HK2: variants seen among roughly 807,000 people sequenced by gnomAD.
The protein encoded by HK2 is hexokinase 2, also known as hexokinase-2.
A neutral mutation model predicts 92.9 loss-of-function variants in HK2; 42 were observed. The observed-to-expected ratio is 0.45, with a 90% CI of 0.35 to 0.58. HK2 has a LOEUF of 0.58. HK2 is among the 20% of genes least tolerant of loss of function. The probability of loss-of-function intolerance (pLI) is 0.00; values close to 1 mark genes in which losing one functional copy is unlikely to be tolerated. For synonymous variants in HK2, 422 were observed against 468.0 expected (o/e 0.90, Z 1.27); for missense variants, 978 against 1,245.1 (o/e 0.79, Z 3.23).
Position 74,892,686 on chromosome 2 carries a change from C to A in HK2, c.*1745C>A, listed in dbSNP as rs535303794. On this transcript the variant is annotated 3_prime_UTR_variant, in exon 18 of 18. Coordinates refer to ENST00000290573, the MANE Select transcript of HK2 (RefSeq NM_000189.5). ...GAAAGAAACTCACGATGAAATTGAA[C>A]CTGGTTTTTGTATATTTATCAAACT... The A allele has an allele frequency of 6.6e-6, 1 of 152,298 alleles. No homozygotes were observed. The highest frequency in any genetic ancestry group is 2.1e-4 in the South Asian group (1 of 4,826). The allele number at this position is 152,298 out of a possible 1,614,324, so 9.4% of individuals were successfully genotyped here.
intron 7 of HK2, among the ~76,000 whole-genome samples, chr2:74,875,086 T>C (rs1435086479): frequency 6.6e-6 from 1 of 152,214 alleles, no homozygotes; most frequent in East Asian, 1.9e-4. Context: ...TTAGTTGCTT[T>C]TATCTCTTAC....
At chr2:74,861,047 C>T (rs146843784) in intron 2 of HK2, among the ~76,000 whole-genome samples, 3 of 152,346 alleles carry the variant, frequency 2.0e-5, no homozygotes, top group African/African-American at 7.2e-5. Flanking sequence ...GTGGTACCAG[C>T]CCTAACGCAG....
At chr2:74,849,390 C>G (rs1688515020) in intron 1 of HK2, among the ~76,000 whole-genome samples, 1 of 152,192 alleles carries the variant, frequency 6.6e-6, no homozygotes, top group Non-Finnish European at 1.5e-5. Context: ...ACTAACAGTG[C>G]TATCTCTGTC....
At chr2:74,843,510 C>T (rs1427747104) in intron 1 of HK2, among the ~76,000 whole-genome samples, 16 of 152,234 alleles carry the variant, frequency 1.1e-4, no homozygotes, top group Non-Finnish European at 8.8e-5. Flanking sequence ...AAGCATTTCC[C>T]GGACATTCTT....
chr2:74,877,297 C>T lies in HK2; in HGVS notation c.1007C>T (p.Thr336Ile). ...CTTCTCAACACCGGTCGCTTTGAGA[C>T]CAAAGACATCTCAGACATTGAAGGG... ...PELLNTGRFE[T>I]KDISDIEGEK... The change falls in exon 8 of 18, where the codon ACC becomes ATC. Residue 336 changes from threonine to isoleucine, a missense_variant. Around this residue, in one of 3 missense-constraint regions of HK2, gnomAD observed 742 missense variants for 922.5 expected, o/e 0.80. Transcript: ENST00000290573. 6.2e-7 allele frequency: 1 copy of T among 1,614,118 alleles called. No individual in the cohort carries two copies.
At chr2:74,864,992 T>C (rs138097038) in intron 2 of HK2, among the ~76,000 whole-genome samples, 14 of 151,512 alleles carry the variant, frequency 9.2e-5, no homozygotes, top group African/African-American at 3.4e-4. Flanking sequence ...GAGGCCTGCC[T>C]ACCTGTCTAA....
intron 9 of HK2, among the ~76,000 whole-genome samples, chr2:74,879,787 AG>A (rs372899780): frequency 2.6e-3 from 403 of 152,328 alleles, no homozygotes; most frequent in Non-Finnish European, 4.3e-3. Context: ...AACTGGCAAA[AG>A]AGAGGCTAAA....
chr2:74,876,487 C>T (rs574379476), intron 7 of HK2, among the ~76,000 whole-genome samples: 2 of 152,312 alleles, frequency 1.3e-5, no homozygotes, highest in African/African-American at 4.8e-5. Flanking sequence ...ATTAAATCAC[C>T]GGACCGCACT....
chr2:74,891,031 C>G lies in HK2; in HGVS notation c.*90C>G. On this transcript the variant is annotated 3_prime_UTR_variant, in exon 18 of 18. Coordinates refer to ENST00000290573, the MANE Select transcript of HK2 (RefSeq NM_000189.5). ...TCATCCCCTTGTGTCAGAGACAGAC[C>G]CCTTGGCTTTTGCTTGGCAGAGAGG... 2 of 1,497,660 alleles carry G rather than the reference C, an allele frequency of 1.3e-6. No individual in the cohort carries two copies. 92.8% of individuals were successfully genotyped at this position (1,497,660 alleles called of 1,614,324 possible). A position where few individuals can be genotyped will look rare whatever the true frequency, so the allele number is the denominator to read the frequency against.
intron 13 of HK2, among the ~76,000 whole-genome samples, 166 bp from the exon 14 acceptor site, chr2:74,886,128 G>C (rs528729764): frequency 1.3e-5 from 2 of 152,180 alleles, no homozygotes; most frequent in East Asian, 3.9e-4. Context: ...AACTTGGGAG[G>C]GTCTCACCAA....
intron 1 of HK2, among the ~76,000 whole-genome samples, chr2:74,851,716 G>A (rs925911701): frequency 2.0e-5 from 3 of 152,260 alleles, no homozygotes; most frequent in East Asian, 1.9e-4. Flanking sequence ...TCTTCTCTTT[G>A]GGAAAGTAGT....
In HK2 at chr2:74,841,039, C is replaced by G. The variant is rs150385338; in HGVS notation, c.63+6396C>G. ...TTCTGCTTATCTTTAAAGCAGTTTT[C>G]TCAGCCTTGGTGCTATTGACATTTT... is the stretch of plus-strand genomic sequence containing the variant. On this transcript the variant is annotated intron_variant, in intron 1 of 17. Transcript: ENST00000290573. Among the ~76,000 whole-genome samples, 1,156 of 152,206 alleles carry G rather than the reference C, an allele frequency of 7.6e-3. 17 individuals carry two copies. Among genetic ancestry groups the G allele is most frequent in the African/African-American group, 0.027 (1,103 of 41,500 alleles).
chr2:74,834,722 C>G lies in HK2; in HGVS notation c.63+79C>G. ...TCCATCAGTCTCTTCCTCGACCCTG[C>G]GGGGACCCGCTTCCTCCCTACTCCG... is the stretch of plus-strand genomic sequence containing the variant. On this transcript the variant is annotated intron_variant, in intron 1 of 17. Transcript: ENST00000290573. This position sits in a 1 kb window ranked among gnomAD's most constrained non-coding sequence, Gnocchi z 4.2. 1 of 1,486,328 alleles carries G rather than the reference C, an allele frequency of 6.7e-7. No homozygotes were observed. The highest frequency in any genetic ancestry group is 9.4e-7 in the Non-Finnish European group (1 of 1,064,464). The allele number at this position is 1,486,328 out of a possible 1,614,324, so 92.1% of individuals were successfully genotyped here.
At chr2:74,877,921 G>A (rs1689274232) in intron 8 of HK2, among the ~76,000 whole-genome samples, 1 of 152,202 alleles carries the variant, frequency 6.6e-6, no homozygotes, top group African/African-American at 2.4e-5. Flanking sequence ...GTAGATTGAA[G>A]AAGTCCTGGT....
chr2:74,841,276 G>T (rs1478113163), intron 1 of HK2, among the ~76,000 whole-genome samples: 1 of 151,420 alleles, frequency 6.6e-6, no homozygotes, highest in East Asian at 1.9e-4. Flanking sequence ...GTGAGTGTGT[G>T]TTACTGACAT....
rs147875060 is a variant in HK2, at chr2:74,879,026, G to T, written c.1265+105G>T. 1,862 of 960,602 alleles carry T rather than the reference G, an allele frequency of 1.9e-3. 25 individuals carry two copies. In the African/African-American group the frequency reaches 0.028, roughly 14 times the overall value. The allele number at this position is 960,602 out of a possible 1,614,324, so 59.5% of individuals were successfully genotyped here. A position where few individuals can be genotyped will look rare whatever the true frequency, so the allele number is the denominator to read the frequency against. The stretch of plus-strand genomic sequence containing the variant: ...TTGCATTTCAGGGGTGGTGTGGAGG[G>T]ACCATAGAGCTGAGGGTCTTGGTGG... On this transcript the variant is annotated intron_variant, in intron 9 of 17. Coordinates refer to ENST00000290573, the MANE Select transcript of HK2 (RefSeq NM_000189.5).
chr2:74,868,893 A>T (rs888048773), intron 3 of HK2, among the ~76,000 whole-genome samples: 1 of 152,252 alleles, frequency 6.6e-6, no homozygotes, highest in African/African-American at 2.4e-5. Flanking sequence ...TCCTGACAAC[A>T]TGCAGGGGCC....
At chr2:74,885,829 CTGT>C (rs1689513875) in intron 13 of HK2, among the ~76,000 whole-genome samples, 1 of 145,286 alleles carries the variant, frequency 6.9e-6, no homozygotes, top group Non-Finnish European at 1.5e-5. Context: ...GTGGCAGGTG[CTGT>C]TAAGAGCTGT....
At chr2:74,887,784 A>G (rs1689574012) in intron 15 of HK2, 119 bp from the exon 16 acceptor site, 1 of 883,296 alleles carries the variant, frequency 1.1e-6, no homozygotes, top group South Asian at 1.3e-5. Flanking sequence ...CTTTCCCATC[A>G]GGGGAGTCTG....
Sources: allele counts gnomAD v4.1 joint callset (sites outside exome capture counted in the v4.1 genomes callset), GRCh38; gene constraint gnomAD v4.1.1; regional missense constraint gnomAD v4.1.1; non-coding constraint Gnocchi (gnomAD v3.1); transcripts MANE v1.5; gene names NCBI Gene and HGNC (gene_info 2026-07-23, HGNC 2026-07-21).